ROBO2: variants seen among roughly 807,000 people sequenced by gnomAD.
ROBO2 encodes roundabout guidance receptor 2, also known as roundabout homolog 2.
A neutral mutation model predicts 160.8 loss-of-function variants in ROBO2; 53 were observed. The ratio of observed to expected loss-of-function variants is 0.33; its 90% confidence interval spans 0.26 to 0.41. The LOEUF (loss-of-function observed/expected upper bound fraction) is 0.41. Among genes scored for constraint, ROBO2 ranks in the 10% least tolerant of loss-of-function variants. ROBO2 has a pLI of 1.00. For missense variants in ROBO2, 1,577 were observed against 1,722.4 expected (o/e 0.92, Z 1.49); for synonymous variants, 664 against 611.7 (o/e 1.09, Z -1.26).
Position 76,480,018 on chromosome 3 carries a change from T to C in ROBO2, c.109+542416T>C, listed in dbSNP as rs999293362. 4.9e-4 allele frequency among the ~76,000 whole-genome samples: 66 copies of C among 135,054 alleles called. 1 individual carries two copies. In the Admixed American group the frequency reaches 5.3e-3, roughly 11 times the overall value. The allele number at this position is 135,054 out of a possible 152,430, so 88.6% of individuals were successfully genotyped here. A position where few individuals can be genotyped will look rare whatever the true frequency, so the allele number is the denominator to read the frequency against. On this transcript the variant is annotated intron_variant, in intron 2 of 26. Transcript: ENST00000487694. ...GAACAACAAAATACAAAGTAGCTTTTTTAAATAGAAAAAGGAGGAAGAAGG... is the reference window on the plus strand; with the variant it reads ...GAACAACAAAATACAAAGTAGCTTTCTTAAATAGAAAAAGGAGGAAGAAGG...
chr3:77,598,814 C>T (rs953568505), intron 19 of ROBO2, among the ~76,000 whole-genome samples: 4 of 152,072 alleles, frequency 2.6e-5, no homozygotes, highest in Non-Finnish European at 4.4e-5. Flanking sequence ...CCTGCTATGT[C>T]GACTGATTTT....
chr3:77,611,272 T>A (rs1186727647), intron 21 of ROBO2, among the ~76,000 whole-genome samples: 2 of 144,886 alleles, frequency 1.4e-5, no homozygotes, highest in African/African-American at 5.2e-5. Flanking sequence ...CACTCCAGCC[T>A]GGGCGACAGA....
At chr3:77,234,378 C>T (rs745833163) in intron 2 of ROBO2, among the ~76,000 whole-genome samples, 1 of 152,156 alleles carries the variant, frequency 6.6e-6, no homozygotes, top group Non-Finnish European at 1.5e-5. Context: ...TATTTGAGCA[C>T]TAATCATGCC....
intron 1 of ROBO2, among the ~76,000 whole-genome samples, chr3:77,059,333 C>A (rs929503334): frequency 6.6e-6 from 1 of 152,056 alleles, no homozygotes; most frequent in African/African-American, 2.4e-5. Flanking sequence ...CTGGATGACA[C>A]AGATTATGTA....
intron 2 of ROBO2, among the ~76,000 whole-genome samples, chr3:76,581,531 G>A (rs2085700749): frequency 2.0e-5 from 3 of 152,018 alleles, no homozygotes; most frequent in Non-Finnish European, 1.5e-5. Context: ...CCAGCTACTC[G>A]GGAGACTGAG....
intron 2 of ROBO2, among the ~76,000 whole-genome samples, chr3:76,274,031 T>C (rs1159921714): frequency 6.6e-6 from 1 of 152,070 alleles, no homozygotes; most frequent in Non-Finnish European, 1.5e-5. Flanking sequence ...CATGTAGAGG[T>C]ACCAATCCCA....
At chr3:76,428,813 T>G (rs923057438) in intron 2 of ROBO2, among the ~76,000 whole-genome samples, 1 of 152,172 alleles carries the variant, frequency 6.6e-6, no homozygotes, top group Non-Finnish European at 1.5e-5. Flanking sequence ...AAGCGTCACC[T>G]ACTGAAGCTG....
intron 2 of ROBO2, among the ~76,000 whole-genome samples, chr3:76,467,873 A>G (rs1002933674): frequency 2.0e-5 from 3 of 152,154 alleles, no homozygotes; most frequent in Non-Finnish European, 4.4e-5. Context: ...TTTAGACTCT[A>G]TGTTTACAAT....
chr3:76,055,975 G>A lies in ROBO2; in HGVS notation c.109+118373G>A, dbSNP rs971297173. Among the ~76,000 whole-genome samples, 3 of 152,242 alleles carry A rather than the reference G, an allele frequency of 2.0e-5. No individual in the cohort carries two copies. The East Asian group carries it at 5.8e-4, about 29-fold the overall frequency. On this transcript the variant is annotated intron_variant, in intron 2 of 26. Transcript: ENST00000487694. ...TGATTGACTAATTTTACTAGTTTTT[G>A]TGACTCACGACTCATTCAACACTTC... is the stretch of plus-strand genomic sequence containing the variant.
chr3:77,133,994 T>A (rs1416689341), intron 2 of ROBO2, among the ~76,000 whole-genome samples: 1 of 152,164 alleles, frequency 6.6e-6, no homozygotes, highest in African/African-American at 2.4e-5. Context: ...CTAACCAACA[T>A]GGAGAAATCC....
intron 2 of ROBO2, among the ~76,000 whole-genome samples, chr3:76,308,376 CAAAAAAAAAAAA>C (rs71277580): frequency 1.2e-5 from 1 of 85,580 alleles, no homozygotes; most frequent in Admixed American, 1.5e-4. Context: ...GACTCTGTCT[CAAAAAAAAAAAA>C]AAAAAAAAAG....
At chr3:76,272,566 G>C (rs1046678625) in intron 2 of ROBO2, among the ~76,000 whole-genome samples, 3 of 149,770 alleles carry the variant, frequency 2.0e-5, no homozygotes, top group African/African-American at 7.4e-5. Context: ...GGGAGGCTAA[G>C]GCAGGAAAAT....
intron 4 of ROBO2, among the ~76,000 whole-genome samples, chr3:77,491,336 T>A (rs2086082025): frequency 6.6e-6 from 1 of 152,182 alleles, no homozygotes; most frequent in Non-Finnish European, 1.5e-5. Flanking sequence ...CATTTTTCAA[T>A]CTGGAGTAAT....
intron 2 of ROBO2, among the ~76,000 whole-genome samples, chr3:76,782,566 A>G (rs1371162754): frequency 6.6e-6 from 1 of 150,788 alleles, no homozygotes; most frequent in Non-Finnish European, 1.5e-5. Context: ...TCTAATATTG[A>G]GTGCACATAT....
At chr3:76,175,396 C>G (rs998423490) in intron 2 of ROBO2, among the ~76,000 whole-genome samples, 4 of 151,974 alleles carry the variant, frequency 2.6e-5, no homozygotes, top group Non-Finnish European at 5.9e-5. Flanking sequence ...GCTTTAGTAT[C>G]TTATTCCAGA....
At chr3:76,555,359 A>AGGAAGAGGAGGAAGAG (rs1560140583) in intron 2 of ROBO2, among the ~76,000 whole-genome samples, 17 of 12,014 alleles carry the variant, frequency 1.4e-3, no homozygotes, top group African/African-American at 4.0e-3. Flanking sequence ...GTAGGAAGAG[A>AGGAAGAGGAGGAAGAG]GAAGAAGAAG....
At chr3:77,613,594 C>A (rs1042676566) in intron 21 of ROBO2, among the ~76,000 whole-genome samples, 1 of 151,834 alleles carries the variant, frequency 6.6e-6, no homozygotes, top group Non-Finnish European at 1.5e-5. Flanking sequence ...TGGCTTAAGT[C>A]AGATAAATAA....
rs567191330 is a variant in ROBO2 at position 76,781,063 on chromosome 3, ATTTAT to A, written c.110-316948_110-316944del. Among the ~76,000 whole-genome samples, 443 of 150,832 alleles carry A rather than the reference ATTTAT, an allele frequency of 2.9e-3. 7 individuals carry two copies. Among genetic ancestry groups the A allele is most frequent in the African/African-American group, 0.01 (420 of 41,372 alleles). The stretch of plus-strand genomic sequence containing the variant: ...ATTCACAAATATGAAATATTTTTCT[ATTTAT>A]TTGTGTCTTCTTCAATTTCTTTCAT... On this transcript the variant is annotated intron_variant, in intron 2 of 26. Coordinates refer to the ROBO2 transcript ENST00000487694.
intron 1 of ROBO2, among the ~76,000 whole-genome samples, chr3:77,078,333 C>G (rs1004104644): frequency 6.6e-6 from 1 of 152,166 alleles, no homozygotes; most frequent in Non-Finnish European, 1.5e-5. Flanking sequence ...TACTTTGTCC[C>G]AAACACCTGT....
Sources: gnomAD v4.1 joint callset for allele counts (sites outside exome capture counted in the v4.1 genomes callset) on GRCh38, gnomAD v4.1.1 for gene constraint, MANE v1.5 for transcripts, NCBI Gene and HGNC (gene_info 2026-07-23, HGNC 2026-07-21) for gene names.